Variants in AFG2A observed in about 807,000 individuals in gnomAD.
AFG2A encodes ATPase family gene 2 protein homolog A.
At chr4:123,021,722 T>C in the AFG2A span, among the ~76,000 whole-genome samples, 1 of 152,232 alleles carries the variant, frequency 6.6e-6, no homozygotes, top group South Asian at 2.1e-4. Context: ...TTCTGTTAAA[T>C]GCCAGTAGTA....
the AFG2A span, among the ~76,000 whole-genome samples, chr4:123,312,476 C>T: frequency 6.6e-6 from 1 of 152,198 alleles, no homozygotes; most frequent in South Asian, 2.1e-4. Context: ...CTTCACCTCC[C>T]TTTGTAGAGA....
At chr4:123,002,005 A>G in the AFG2A span, among the ~76,000 whole-genome samples, 5 of 152,174 alleles carry the variant, frequency 3.3e-5, no homozygotes, top group African/African-American at 9.7e-5. Context: ...GGGTTCATAT[A>G]TATTTAGGAT....
At chr4:122,935,609 A>T in the AFG2A span, 1 of 1,335,720 alleles carries the variant, frequency 7.5e-7, no homozygotes, top group Non-Finnish European at 9.9e-7. Flanking sequence ...TCTTTTTGTG[A>T]CGCAAGGTAA....
chr4:123,028,833 G>T, the AFG2A span, among the ~76,000 whole-genome samples: 2 of 152,124 alleles, frequency 1.3e-5, no homozygotes, highest in African/African-American at 4.8e-5. Flanking sequence ...TTTCCATTCA[G>T]AAAGTATATG....
At chr4:122,923,389 A>G in the AFG2A span, 2 of 1,561,026 alleles carry the variant, frequency 1.3e-6, no homozygotes, top group Non-Finnish European at 1.7e-6. Flanking sequence ...CTTGGGGTGC[A>G]GAGACTTTTG....
chr4:123,238,472 T>C, the AFG2A span, among the ~76,000 whole-genome samples: 98,793 of 151,982 alleles, frequency 0.65, 32,681 homozygotes, highest in Admixed American at 0.7. Flanking sequence ...TGCGATGAAG[T>C]TTCCAGAGGA....
At chr4:123,203,726 T>C in the AFG2A span, among the ~76,000 whole-genome samples, 1 of 152,248 alleles carries the variant, frequency 6.6e-6, no homozygotes, top group Non-Finnish European at 1.5e-5. Flanking sequence ...CAAACTTTTA[T>C]GTGAACATAA....
At chr4:123,016,969 A>G in the AFG2A span, among the ~76,000 whole-genome samples, 1 of 152,116 alleles carries the variant, frequency 6.6e-6, no homozygotes, top group Non-Finnish European at 1.5e-5. Context: ...AAAAAATACG[A>G]AAACCAGTCA....
chr4:123,202,752 T>C, the AFG2A span, among the ~76,000 whole-genome samples: 1 of 152,216 alleles, frequency 6.6e-6, no homozygotes, highest in East Asian at 1.9e-4. Flanking sequence ...ATATATTTGA[T>C]CACCACAAGG....
At chr4:123,095,065 A>ATATGTG in the AFG2A span, among the ~76,000 whole-genome samples, 1 of 120,624 alleles carries the variant, frequency 8.3e-6, no homozygotes, top group African/African-American at 3.1e-5. Flanking sequence ...ATATATATAT[A>ATATGTG]TGTGTGTGTG....
the AFG2A span, chr4:122,936,041 A>G: frequency 2.8e-6 from 4 of 1,449,866 alleles, no homozygotes; most frequent in Non-Finnish European, 3.7e-6. Context: ...GTTAGCTTTT[A>G]TAGACAAAGC....
chr4:122,978,495 C>T, the AFG2A span, among the ~76,000 whole-genome samples: 1 of 152,172 alleles, frequency 6.6e-6, no homozygotes, highest in African/African-American at 2.4e-5. Context: ...AGAAAAAGCA[C>T]CATAAGTTCT....
the AFG2A span, among the ~76,000 whole-genome samples, chr4:122,993,669 A>G: frequency 1.3e-5 from 2 of 152,068 alleles, no homozygotes. Context: ...TTAAAATTAT[A>G]ACAACCTTAA....
At chr4:123,153,649 A>G in the AFG2A span, among the ~76,000 whole-genome samples, 7 of 149,036 alleles carry the variant, frequency 4.7e-5, no homozygotes, top group Admixed American at 3.3e-4. Context: ...TAACATGAAC[A>G]TAAAAAATAC....
the AFG2A span, among the ~76,000 whole-genome samples, chr4:123,189,131 TTATAAG>T: frequency 6.6e-6 from 1 of 152,230 alleles, no homozygotes; most frequent in Non-Finnish European, 1.5e-5. Context: ...CGCAGGTTCA[TTATAAG>T]TATATGAGGT....
At chr4:123,227,673 A>T in the AFG2A span, among the ~76,000 whole-genome samples, 1 of 152,188 alleles carries the variant, frequency 6.6e-6, no homozygotes, top group Non-Finnish European at 1.5e-5. Context: ...GGTGCTGAAA[A>T]GAATGTATAT....
chr4:123,188,195 T>C, the AFG2A span, among the ~76,000 whole-genome samples: 1 of 152,124 alleles, frequency 6.6e-6, no homozygotes, highest in East Asian at 1.9e-4. Flanking sequence ...GATTTATATA[T>C]TTTAGTATTG....
chr4:123,107,189 C>T, the AFG2A span, among the ~76,000 whole-genome samples: 4 of 152,200 alleles, frequency 2.6e-5, no homozygotes, highest in Non-Finnish European at 5.9e-5. Context: ...CTTCTCATCA[C>T]CCTCAATGTG....
the AFG2A span, among the ~76,000 whole-genome samples, chr4:123,205,052 T>A: frequency 3.9e-4 from 60 of 152,294 alleles, 2 homozygotes; most frequent in East Asian, 0.011. Context: ...AAATTGAGTA[T>A]TTTTTTCCTT....
Sources: gnomAD v4.1 joint callset for allele counts (sites outside exome capture counted in the v4.1 genomes callset) on GRCh38, gnomAD v4.1.1 for gene constraint, MANE v1.5 for transcripts, NCBI Gene and HGNC (gene_info 2026-07-23, HGNC 2026-07-21) for gene names.